Variants in RAI1 observed in about 807,000 individuals in gnomAD.
The protein encoded by RAI1 is retinoic acid-induced protein 1.
RAI1 carries 9 observed loss-of-function variants against 123.8 expected under a neutral mutation model. That is an observed-to-expected ratio of 0.07 (90% confidence interval 0.04 to 0.13). The LOEUF (loss-of-function observed/expected upper bound fraction) is 0.13. Among genes scored for constraint, RAI1 ranks in the 10% least tolerant of loss-of-function variants. The pLI, the probability that RAI1 is intolerant of heterozygous loss-of-function variation, is 1.00. For synonymous variants in RAI1, 1,231 were observed against 1,127.3 expected (o/e 1.09, Z -1.84); for missense variants, 2,256 against 2,545.8 (o/e 0.89, Z 2.45).
Position 17,809,867 on chromosome 17 carries a change from C to T in RAI1, c.5710-103C>T. ...GGAGACCCCAGCCGCGCTCTGGGGT[C>T]GCCTGGGTCTGGGGCTTAGGCGGGG... On this transcript the variant is annotated intron_variant, in intron 5 of 5. Transcript: ENST00000353383. This position sits in a 1 kb window ranked among gnomAD's most constrained non-coding sequence, Gnocchi z 4.9. 1.3e-6 allele frequency: 2 copies of T among 1,514,170 alleles called. No individual in the cohort carries two copies. The highest frequency in any genetic ancestry group is 1.2e-5 in the South Asian group (1 of 82,926). 93.8% of individuals were successfully genotyped at this position (1,514,170 alleles called of 1,614,324 possible). A position where few individuals can be genotyped will look rare whatever the true frequency, so the allele number is the denominator to read the frequency against.
At chr17:17,776,581 C>G (rs944390108) in intron 2 of RAI1, 1 of 151,472 alleles carries the variant, frequency 6.6e-6, no homozygotes, top group South Asian at 2.1e-4. Context: ...TGTTGGCCAT[C>G]CTGGCCTCAA....
At chr17:17,687,349 T>TG (rs1567820081) in intron 1 of RAI1, among the ~76,000 whole-genome samples, 1 of 151,938 alleles carries the variant, frequency 6.6e-6, no homozygotes, top group Non-Finnish European at 1.5e-5. Context: ...CATCTGTAAA[T>TG]GGGGGAAGAG....
At position 17,797,411 on chromosome 17, in the gene RAI1, G is replaced by T; in HGVS notation, c.4463G>T (p.Ser1488Ile). Residue 1488 changes from serine to isoleucine, a missense_variant, in exon 3 of 6, where the codon AGT (serine) becomes ATT (isoleucine). Around this residue, in one of 7 missense-constraint regions of RAI1, gnomAD observed 410 missense variants for 374.6 expected, o/e 1.09. Transcript: ENST00000353383. ...AGGGCCAGTGGCACACAAGGGGCCA[G>T]TGAGGACAACTCTGGTGGAGGAGGC... ...RDRASGTQGA[S>I]EDNSGGGGKK... The T allele has an allele frequency of 1.2e-6, 2 of 1,613,154 alleles. No individual in the cohort carries two copies. The highest frequency in any genetic ancestry group is 1.7e-6 in the Non-Finnish European group (2 of 1,179,892).
chr17:17,698,487 C>T (rs201537961), intron 1 of RAI1, among the ~76,000 whole-genome samples: 1 of 152,196 alleles, frequency 6.6e-6, no homozygotes, highest in East Asian at 1.9e-4. Flanking sequence ...TCCCCCTCCC[C>T]CCACACCCCT....
chr17:17,795,413 C>T lies in RAI1; in HGVS notation c.2465C>T (p.Ala822Val), dbSNP rs764542538. The T allele has an allele frequency of 6.3e-7, 1 of 1,589,734 alleles. No homozygotes were observed. Among genetic ancestry groups the T allele is most frequent in the Non-Finnish European group, 8.6e-7 (1 of 1,165,962 alleles). Residue 822 changes from alanine to valine, a missense_variant, in exon 3 of 6, where the codon GCA (alanine) becomes GTA (valine). Ala to Val is a moderately conservative substitution (Grantham distance 64). Coordinates refer to ENST00000353383, the MANE Select transcript of RAI1 (RefSeq NM_030665.4). The surrounding 1 kb of genome is among the most constrained non-coding windows in gnomAD (Gnocchi z 5.9). The part of the protein sequence containing the change: ...QEEVGGVKEE[A>V]GGLLQCPEVA... ...GAGGTGGGTGGGGTGAAGGAGGAGG[C>T]AGGTGGGCTGCTGCAGTGCCCCGAG...
At position 17,796,878 on chromosome 17, in the gene RAI1, C is replaced by G; in HGVS notation, c.3930C>G (p.Phe1310Leu). 1 of 1,613,188 alleles carries G rather than the reference C, an allele frequency of 6.2e-7. No homozygotes were observed. Among genetic ancestry groups the G allele is most frequent in the Non-Finnish European group, 8.5e-7 (1 of 1,179,990 alleles). Residue 1310 changes from phenylalanine to leucine, a missense_variant, in exon 3 of 6, where the codon TTC becomes TTG. Physicochemically the swap from Phe to Leu is conservative, Grantham distance 22. Around this residue, in one of 7 missense-constraint regions of RAI1, gnomAD observed 322 missense variants for 358.0 expected, o/e 0.90. Transcript: ENST00000353383. The surrounding 1 kb of genome is among the most constrained non-coding windows in gnomAD (Gnocchi z 5.8). ...ACLKLASRAA[F>L]QGAMKTKVLP... is the part of the protein sequence containing the mutation. Reference sequence around the variant, plus strand: ...TCAAGCTCGCCTCTCGGGCAGCCTTCCAGGGGGCCATGAAGACCAAGGTGC... The same window carrying G: ...TCAAGCTCGCCTCTCGGGCAGCCTTGCAGGGGGCCATGAAGACCAAGGTGC...
chr17:17,771,913 A>AC (rs1461138703), intron 2 of RAI1, among the ~76,000 whole-genome samples: 1 of 151,684 alleles, frequency 6.6e-6, no homozygotes, highest in Non-Finnish European at 1.5e-5. Context: ...TGTCCCCACC[A>AC]CCCCCCACCT....
Position 17,809,466 on chromosome 17 carries a change from C to T in RAI1, c.5709+27C>T, listed in dbSNP as rs1158157077. ...TAGGGGACCACAGTGTTTTGTAGGG[C>T]GAGGGGTGTCAAGCGGGAGAGGAGC... On this transcript the variant is annotated intron_variant, in intron 5 of 5. Coordinates refer to ENST00000353383, the MANE Select transcript of RAI1 (RefSeq NM_030665.4). The surrounding 1 kb of genome is among the most constrained non-coding windows in gnomAD (Gnocchi z 4.9). 4 of 1,571,532 alleles carry T rather than the reference C, an allele frequency of 2.5e-6. No individual in the cohort carries two copies. The highest frequency in any genetic ancestry group is 3.5e-6 in the Non-Finnish European group (4 of 1,142,050).
chr17:17,702,705 G>A (rs889120083), intron 1 of RAI1, among the ~76,000 whole-genome samples: 6 of 152,182 alleles, frequency 3.9e-5, no homozygotes, highest in Admixed American at 2.6e-4. Context: ...GGCTCACAGG[G>A]GTTTAGCACC....
intron 2 of RAI1, among the ~76,000 whole-genome samples, chr17:17,766,946 G>A (rs879888863): frequency 6.6e-6 from 1 of 151,856 alleles, no homozygotes; most frequent in Admixed American, 6.6e-5. Flanking sequence ...AGAGGGTGGG[G>A]TGGTGTGAGT....
At position 17,762,483 on chromosome 17, in the gene RAI1, C is replaced by G. The variant is rs545019970; in HGVS notation, c.-16-30450C>G. Among the ~76,000 whole-genome samples the G allele has an allele frequency of 2.0e-4, 30 of 152,288 alleles. No individual in the cohort carries two copies. In the South Asian group the frequency reaches 6.0e-3, roughly 31 times the overall value. ...ATTTAGTTGAGGGAAAGTTCTGACT[C>G]TACCCCCAGCAGCAAGGGAGCTTCC... is the stretch of plus-strand genomic sequence containing the variant. On this transcript the variant is annotated intron_variant, in intron 2 of 5. Transcript: ENST00000353383.
chr17:17,702,016 G>T (rs539259831), intron 1 of RAI1, among the ~76,000 whole-genome samples: 1 of 152,378 alleles, frequency 6.6e-6, no homozygotes, highest in Admixed American at 6.5e-5. Flanking sequence ...GCAGAGAACA[G>T]TCTTTGAGCT....
intron 1 of RAI1, among the ~76,000 whole-genome samples, chr17:17,697,994 C>T (rs1915093159): frequency 1.3e-5 from 2 of 152,306 alleles, no homozygotes; most frequent in South Asian, 4.1e-4. Flanking sequence ...TCTGCTTTTC[C>T]ATCCGGCCCT....
intron 2 of RAI1, among the ~76,000 whole-genome samples, chr17:17,774,117 G>C (rs1464143994): frequency 7.2e-5 from 11 of 152,290 alleles, no homozygotes; most frequent in African/African-American, 2.6e-4. Context: ...CTGCTTCTCA[G>C]AACAGGGCCC....
chr17:17,710,711 AAAG>A (rs1915539912), intron 1 of RAI1, among the ~76,000 whole-genome samples: 2 of 152,224 alleles, frequency 1.3e-5, no homozygotes, highest in South Asian at 4.1e-4. Flanking sequence ...CTGAGGTAAA[AAAG>A]TGGAGACAGC....
intron 2 of RAI1, among the ~76,000 whole-genome samples, chr17:17,768,677 C>G (rs1396901891): frequency 2.0e-5 from 3 of 152,218 alleles, no homozygotes; most frequent in Non-Finnish European, 4.4e-5. Flanking sequence ...CTGCGCCCTG[C>G]TGACCTGCAG....
chr17:17,761,095 C>T (rs561719354), intron 2 of RAI1, among the ~76,000 whole-genome samples: 15 of 152,314 alleles, frequency 9.8e-5, no homozygotes, highest in African/African-American at 3.6e-4. Context: ...GTTCCTTGTC[C>T]TCTCTGTGCT....
intron 1 of RAI1, among the ~76,000 whole-genome samples, chr17:17,709,826 CT>C (rs1336183914): frequency 6.6e-6 from 1 of 152,218 alleles, no homozygotes; most frequent in East Asian, 1.9e-4. Context: ...TCTTGGAAAC[CT>C]GTTTTTCATG....
At chr17:17,778,726 G>A (rs766984605) in intron 2 of RAI1, 4 of 456,718 alleles carry the variant, frequency 8.8e-6, no homozygotes, top group East Asian at 6.9e-5. Context: ...AGAGGCCTGC[G>A]ATTCTCCATG....
Sources: allele counts gnomAD v4.1 joint callset (sites outside exome capture counted in the v4.1 genomes callset), GRCh38; gene constraint gnomAD v4.1.1; regional missense constraint gnomAD v4.1.1; non-coding constraint Gnocchi (gnomAD v3.1); transcripts MANE v1.5; gene names NCBI Gene and HGNC (gene_info 2026-07-23, HGNC 2026-07-21).